The following TRAK1 variants were observed in gnomAD, a reference collection of about 807,000 sequenced individuals.
The protein encoded by TRAK1 is trafficking kinesin protein 1, also known as trafficking kinesin-binding protein 1.
TRAK1 carries 33 observed loss-of-function variants against 92.1 expected under a neutral mutation model. That is an observed-to-expected ratio of 0.36 (90% confidence interval 0.27 to 0.48). The LOEUF (loss-of-function observed/expected upper bound fraction) is 0.48. Among genes scored for constraint, TRAK1 ranks in the 20% least tolerant of loss-of-function variants. TRAK1 has a pLI of 0.99. For missense variants in TRAK1, 1,123 were observed against 1,257.9 expected (o/e 0.89, Z 1.62); for synonymous variants, 521 against 517.3 (o/e 1.01, Z -0.10).
At chr3:42,017,121 C>T (rs146599596) in intron 1 of TRAK1, among the ~76,000 whole-genome samples, 25 of 152,210 alleles carry the variant, frequency 1.6e-4, no homozygotes, top group African/African-American at 5.1e-4. Flanking sequence ...AGTAGCCGGG[C>T]GTGGCAGCAT....
chr3:42,214,554 A>C (rs570016543), intron 14 of TRAK1, among the ~76,000 whole-genome samples: 1 of 152,194 alleles, frequency 6.6e-6, no homozygotes, highest in South Asian at 2.1e-4. Context: ...AGAATTTCTG[A>C]CCCTCTCTGC....
chr3:42,070,278 T>C (rs1368877981), intron 1 of TRAK1, among the ~76,000 whole-genome samples: 1 of 148,192 alleles, frequency 6.7e-6, no homozygotes, highest in Non-Finnish European at 1.5e-5. Context: ...TTATGAATAA[T>C]AATTATAATT....
intron 1 of TRAK1, among the ~76,000 whole-genome samples, chr3:42,044,234 C>A (rs921398816): frequency 6.6e-6 from 1 of 152,216 alleles, no homozygotes; most frequent in African/African-American, 2.4e-5. Context: ...AATCACAGCT[C>A]ACTGCAACCT....
intron 1 of TRAK1, among the ~76,000 whole-genome samples, chr3:42,030,559 G>A (rs1299703240): frequency 2.0e-5 from 3 of 148,866 alleles, no homozygotes; most frequent in Non-Finnish European, 4.5e-5. Flanking sequence ...TGTAATCCCA[G>A]CTATTTGGGA....
chr3:42,112,735 CAAAA>C (rs774716012), intron 1 of TRAK1, among the ~76,000 whole-genome samples: 3 of 54,686 alleles, frequency 5.5e-5, no homozygotes, highest in African/African-American at 5.1e-5. Flanking sequence ...GACTCTGTCT[CAAAA>C]AAAAAAAAAA....
intron 1 of TRAK1, among the ~76,000 whole-genome samples, chr3:42,060,803 A>C (rs1371483191): frequency 6.7e-6 from 1 of 150,232 alleles, no homozygotes; most frequent in Non-Finnish European, 1.5e-5. Context: ...GATTTTTTTT[A>C]TATTTTTAGT....
upstream of TRAK1, chr3:42,091,310 T>C: frequency 1.5e-6 from 1 of 659,938 alleles, no homozygotes; most frequent in East Asian, 2.8e-5. Context: ...CCCATTGTGC[T>C]TCCAGGACAG....
At chr3:42,130,974 TA>T (rs1442997362) in intron 2 of TRAK1, among the ~76,000 whole-genome samples, 2 of 152,124 alleles carry the variant, frequency 1.3e-5, no homozygotes, top group Admixed American at 1.3e-4. Context: ...GTAATATTAT[TA>T]TACCCCCATT....
chr3:42,067,558 CAA>C (rs1703729340), intron 1 of TRAK1, among the ~76,000 whole-genome samples: 1 of 151,364 alleles, frequency 6.6e-6, no homozygotes, highest in African/African-American at 2.4e-5. Context: ...TGCCTTAAAA[CAA>C]AAACTTCCAG....
intron 1 of TRAK1, among the ~76,000 whole-genome samples, chr3:42,063,016 A>G (rs1305970314): frequency 6.6e-6 from 1 of 152,234 alleles, no homozygotes; most frequent in Admixed American, 6.5e-5. Flanking sequence ...AACTCAAACA[A>G]GGTCACACTG....
At chr3:42,115,859 G>A (rs1478888940) in intron 1 of TRAK1, among the ~76,000 whole-genome samples, 1 of 152,148 alleles carries the variant, frequency 6.6e-6, no homozygotes, top group African/African-American at 2.4e-5. Context: ...GGAGTCGGAG[G>A]TCTTGCTTCC....
chr3:42,053,789 C>G (rs1266245067), intron 1 of TRAK1, among the ~76,000 whole-genome samples: 3 of 152,248 alleles, frequency 2.0e-5, no homozygotes, highest in East Asian at 3.9e-4. Context: ...TGAAACCCCA[C>G]GTGCCGAGGG....
intron 1 of TRAK1, among the ~76,000 whole-genome samples, chr3:42,052,396 G>A (rs1221184105): frequency 6.6e-6 from 1 of 152,224 alleles, no homozygotes; most frequent in African/African-American, 2.4e-5. Context: ...TGGTTTAGAT[G>A]ATCTTGTAGA....
intron 1 of TRAK1, among the ~76,000 whole-genome samples, chr3:42,033,400 G>A (rs568166599): frequency 2.6e-5 from 4 of 152,182 alleles, no homozygotes; most frequent in Non-Finnish European, 5.9e-5. Context: ...GGTAGCCTGG[G>A]TAATGTAGTG....
chr3:42,193,975 C>A, intron 9 of TRAK1, 77 bp downstream of exon 9: 2 of 1,301,210 alleles, frequency 1.5e-6, no homozygotes, highest in South Asian at 1.3e-5. Context: ...CAGCTTTAGT[C>A]ACGTCCATCG....
chr3:42,217,277 G>GTCAC (rs1313681624), intron 14 of TRAK1: 1 of 985,186 alleles, frequency 1.0e-6, no homozygotes, highest in African/African-American at 1.7e-5. Flanking sequence ...GCAGTCAGTG[G>GTCAC]TGACATGCGG....
intron 2 of TRAK1, among the ~76,000 whole-genome samples, chr3:42,172,716 G>C (rs145689338): frequency 3.3e-5 from 5 of 152,188 alleles, no homozygotes; most frequent in Non-Finnish European, 7.3e-5. Flanking sequence ...GCCTTGTTCA[G>C]TGCAGAGCTT....
At chr3:42,142,300 C>G (rs1301273535) in intron 2 of TRAK1, among the ~76,000 whole-genome samples, 2 of 152,160 alleles carry the variant, frequency 1.3e-5, no homozygotes, top group African/African-American at 4.8e-5. Flanking sequence ...TGGTTGTGAC[C>G]TGGTGTCCCA....
intron 1 of TRAK1, among the ~76,000 whole-genome samples, chr3:42,103,899 C>T (rs576393797): frequency 1.5e-4 from 23 of 152,208 alleles, no homozygotes; most frequent in African/African-American, 2.6e-4. Flanking sequence ...TGCAAGGGGT[C>T]GGGGAATTCC....
Sources: allele counts gnomAD v4.1 joint callset (sites outside exome capture counted in the v4.1 genomes callset), GRCh38; gene constraint gnomAD v4.1.1; transcripts MANE v1.5; gene names NCBI Gene and HGNC (gene_info 2026-07-23, HGNC 2026-07-21).